The following SRL variants were observed in gnomAD, a reference collection of about 807,000 sequenced individuals.
SRL encodes sarcalumenin.
Under a neutral mutation model 39.5 loss-of-function variants are expected in SRL, and 23 were observed. The observed-to-expected ratio is 0.58, with a 90% confidence interval of 0.42 to 0.82. SRL has a LOEUF of 0.82. Among genes scored for constraint, SRL ranks in the 40% least tolerant of loss-of-function variants. The pLI, the probability that SRL is intolerant of heterozygous loss-of-function variation, is 0.00. For missense variants in SRL, 592 were observed against 607.8 expected (o/e 0.97, Z 0.27); for synonymous variants, 272 against 237.4 (o/e 1.15, Z -1.34).
chr16:4,224,700 A>G (rs2052567920), intron 1 of SRL, among the ~76,000 whole-genome samples: 1 of 151,990 alleles, frequency 6.6e-6, no homozygotes, highest in Non-Finnish European at 1.5e-5. Flanking sequence ...CGCCTGGGCA[A>G]CAGAGCAAGA....
At chr16:4,222,217 C>T (rs1216734569) in intron 1 of SRL, among the ~76,000 whole-genome samples, 3 of 152,188 alleles carry the variant, frequency 2.0e-5, no homozygotes, top group Non-Finnish European at 2.9e-5. Context: ...GAGTCGTCCC[C>T]GACCCCTCCT....
intron 1 of SRL, among the ~76,000 whole-genome samples, chr16:4,213,771 G>A (rs992849698): frequency 2.0e-5 from 3 of 152,164 alleles, no homozygotes; most frequent in Non-Finnish European, 4.4e-5. Context: ...CTGCCCTCAC[G>A]TAGGACTCCA....
rs1271400167 is a variant in SRL at position 4,203,358 on chromosome 16, C to T, written c.164-97G>A. 18 of 965,494 alleles carry T rather than the reference C, an allele frequency of 1.9e-5. No homozygotes were observed. In the East Asian group the frequency reaches 4.4e-4, roughly 23 times the overall value. 59.8% of individuals were successfully genotyped at this position (965,494 alleles called of 1,614,324 possible). A position where few individuals can be genotyped will look rare whatever the true frequency, so the allele number is the denominator to read the frequency against. ...GCCTCACCACCCAGGGCAGCTCCAC[C>T]CCTGCCTGGTGGGCAGCAAGTGCTG... On this transcript the variant is annotated intron_variant, in intron 2 of 5. Coordinates refer to ENST00000399609, the MANE Select transcript of SRL (RefSeq NM_001098814.2).
chr16:4,219,377 G>T (rs879586372), intron 1 of SRL, among the ~76,000 whole-genome samples: 2 of 152,204 alleles, frequency 1.3e-5, no homozygotes. Context: ...TCCCCCTATT[G>T]TTCCTACAAA....
At chr16:4,235,316 C>G (rs942667717) in intron 1 of SRL, among the ~76,000 whole-genome samples, 1 of 152,152 alleles carries the variant, frequency 6.6e-6, no homozygotes, top group Non-Finnish European at 1.5e-5. Flanking sequence ...CAATGGGACA[C>G]GAGAGGGCAC....
At chr16:4,224,264 A>G (rs935566629) in intron 1 of SRL, among the ~76,000 whole-genome samples, 1 of 152,234 alleles carries the variant, frequency 6.6e-6, no homozygotes, top group African/African-American at 2.4e-5. Flanking sequence ...GTAATAAAAC[A>G]GAAGAGAAAA....
intron 1 of SRL, among the ~76,000 whole-genome samples, chr16:4,220,695 G>C (rs1278830654): frequency 6.6e-6 from 1 of 152,156 alleles, no homozygotes; most frequent in Non-Finnish European, 1.5e-5. Context: ...GTGTCACTGA[G>C]AGCCTGGGCT....
Position 4,190,163 on chromosome 16 carries a change from C to T in SRL, c.*1990G>A, listed in dbSNP as rs566197491. The T allele has an allele frequency of 3.3e-5, 13 of 397,850 alleles. No homozygotes were observed. In the South Asian group the frequency reaches 1.3e-3, roughly 39 times the overall value. The allele number at this position is 397,850 out of a possible 1,614,324, so 24.6% of individuals were successfully genotyped here. ...GGTCCAGGCCCTCCACAAAGCCAAACGCAACGGCCCCTGTGACAGCATGCA... is the reference window on the plus strand; with the variant it reads ...GGTCCAGGCCCTCCACAAAGCCAAATGCAACGGCCCCTGTGACAGCATGCA... On this transcript the variant is annotated 3_prime_UTR_variant, in exon 6 of 6. Coordinates refer to ENST00000399609, the MANE Select transcript of SRL (RefSeq NM_001098814.2).
chr16:4,206,651 T>A (rs2052322184), intron 1 of SRL: 2 of 456,230 alleles, frequency 4.4e-6, no homozygotes, highest in East Asian at 1.4e-4. Flanking sequence ...TCCCTGCCTG[T>A]CCCCTACACA....
chr16:4,235,401 G>A (rs374159244), intron 1 of SRL, among the ~76,000 whole-genome samples: 1 of 152,306 alleles, frequency 6.6e-6, no homozygotes, highest in Admixed American at 6.5e-5. Flanking sequence ...AAAGAAGAAT[G>A]AAAACCAAAG....
chr16:4,231,785 G>A (rs1376324225), intron 1 of SRL, among the ~76,000 whole-genome samples: 1 of 152,132 alleles, frequency 6.6e-6, no homozygotes, highest in Non-Finnish European at 1.5e-5. Context: ...GAAACTGGAG[G>A]CAAATATCAA....
intron 2 of SRL, 92 bp downstream of exon 2, chr16:4,204,441 C>CCTCCAAGATACAGCCCCGGT: frequency 8.6e-7 from 1 of 1,161,450 alleles, no homozygotes; most frequent in Non-Finnish European, 1.3e-6. Context: ...ACAGCCCCGG[C>CCTCCAAGATACAGCCCCGGT]ACGCCCTGGC....
At chr16:4,207,411 G>C (rs1246156566) in intron 1 of SRL, 1 of 456,618 alleles carries the variant, frequency 2.2e-6, no homozygotes, top group Non-Finnish European at 4.4e-6. Flanking sequence ...ATCTGGCTCC[G>C]ACTCTCCCCC....
chr16:4,202,821 T>C (rs374211523), intron 3 of SRL, among the ~76,000 whole-genome samples: 3 of 152,284 alleles, frequency 2.0e-5, no homozygotes, highest in South Asian at 2.1e-4. Context: ...AGGGGGCACC[T>C]GTGGCCTCTG....
chr16:4,213,968 C>T (rs1159293019), intron 1 of SRL, among the ~76,000 whole-genome samples: 1 of 152,146 alleles, frequency 6.6e-6, no homozygotes, highest in African/African-American at 2.4e-5. Context: ...AACAAAGCTC[C>T]CTGGGAGCGA....
chr16:4,235,075 G>C (rs749617333), intron 1 of SRL, among the ~76,000 whole-genome samples: 5 of 152,318 alleles, frequency 3.3e-5, no homozygotes, highest in South Asian at 2.1e-4. Context: ...GCAGGGACAG[G>C]GGTCGGAGCA....
chr16:4,215,592 T>C (rs2052449407), intron 1 of SRL, among the ~76,000 whole-genome samples: 1 of 152,170 alleles, frequency 6.6e-6, no homozygotes, highest in African/African-American at 2.4e-5. Flanking sequence ...CTCAGCTCTC[T>C]ATGGACGCTC....
rs370801492 is a variant in SRL at position 4,210,583 on chromosome 16, C to T, written c.62-5949G>A. The stretch of plus-strand genomic sequence containing the variant: ...TCGGTTCACTGTAATCTCCACCTCC[C>T]GGGTTCAAGCGATTCTTCTGCCTCA... On this transcript the variant is annotated intron_variant, in intron 1 of 5. Coordinates refer to ENST00000399609, the MANE Select transcript of SRL (RefSeq NM_001098814.2). Among the ~76,000 whole-genome samples the T allele has an allele frequency of 1.3e-3, 193 of 150,912 alleles. 17 individuals carry two copies. In the South Asian group the frequency reaches 0.038, roughly 30 times the overall value.
intron 1 of SRL, among the ~76,000 whole-genome samples, chr16:4,223,075 C>CA (rs1330849320): frequency 6.6e-6 from 1 of 151,442 alleles, no homozygotes; most frequent in Non-Finnish European, 1.5e-5. Context: ...ACTAAAAATA[C>CA]AAAAAAATTA....
Sources: allele counts gnomAD v4.1 joint callset (sites outside exome capture counted in the v4.1 genomes callset), GRCh38; gene constraint gnomAD v4.1.1; transcripts MANE v1.5; gene names NCBI Gene and HGNC (gene_info 2026-07-23, HGNC 2026-07-21).